The following RIPOR3 variants were observed in gnomAD, a reference collection of about 807,000 sequenced individuals.
RIPOR3 encodes the protein family with sequence similarity 65 member C.
In RIPOR3, 95 loss-of-function variants were observed where a neutral mutation model predicts 114.3. That is an observed-to-expected ratio of 0.83 (90% confidence interval 0.70 to 0.99). The LOEUF is 0.99. Among genes scored for constraint, RIPOR3 ranks in the 50% least tolerant of loss-of-function variants. The pLI, the probability that RIPOR3 is intolerant of heterozygous loss-of-function variation, is 0.00. For missense variants in RIPOR3, 1,252 were observed against 1,266.9 expected, an observed-to-expected ratio of 0.99 and a Z score of 0.18; for synonymous variants, 575 against 543.8, an observed-to-expected ratio of 1.06 and a Z score of -0.80.
chr20:50,653,357 A>G (rs2085685747), intron 1 of RIPOR3: 1 of 152,172 alleles, frequency 6.6e-6, no homozygotes, highest in South Asian at 2.1e-4. Flanking sequence ...TTCTGGGGTA[A>G]AACTGCTCTG....
At chr20:50,661,369 C>T (rs2085990801) in intron 1 of RIPOR3, among the ~76,000 whole-genome samples, 1 of 152,154 alleles carries the variant, frequency 6.6e-6, no homozygotes, top group Admixed American at 6.5e-5. Flanking sequence ...GCCACCACAC[C>T]CAGCCTAACA....
intron 1 of RIPOR3, chr20:50,636,667 A>C (rs1286291333): frequency 1.0e-6 from 1 of 985,284 alleles, no homozygotes; most frequent in Non-Finnish European, 1.2e-6. Context: ...TGCCGTTCAG[A>C]CCCGGCTGGT....
Position 50,608,518 on chromosome 20 carries a change from C to A in RIPOR3, c.827G>T (p.Gly276Val). The A allele has an allele frequency of 6.2e-7, 1 of 1,613,822 alleles. No individual in the cohort carries two copies. The highest frequency in any genetic ancestry group is 8.5e-7 in the Non-Finnish European group (1 of 1,179,912). The change falls in exon 11 of 22, where the codon GGC (glycine) becomes GTC (valine). Residue 276 changes from glycine (G) to valine (V), a missense_variant. Physicochemically the swap from Gly to Val is moderately radical, Grantham distance 109 (BLOSUM62 -3). Coordinates refer to ENST00000327979, the MANE Select transcript of RIPOR3 (RefSeq NM_001290268.2). ...TGCACCCACAGCCAGCGAGCCCAGG[C>A]CCCGCAACTCCGTCACCTGGGGGTG... ...NLDIKVTELR[G>V]LGSLAVGAVT...
chr20:50,685,960 G>A (rs1262541058), intron 1 of RIPOR3, among the ~76,000 whole-genome samples: 2 of 152,040 alleles, frequency 1.3e-5, no homozygotes, highest in Non-Finnish European at 2.9e-5. Flanking sequence ...AGAATAAAAT[G>A]TATAGAATGA....
At chr20:50,598,371 G>A (rs908618940) in intron 13 of RIPOR3, among the ~76,000 whole-genome samples, 1 of 151,838 alleles carries the variant, frequency 6.6e-6, no homozygotes, top group African/African-American at 2.4e-5. Flanking sequence ...TCCCCAACTC[G>A]TGGCTGGCTC....
chr20:50,614,490 T>C (rs1180247527), intron 4 of RIPOR3: 4 of 167,688 alleles, frequency 2.4e-5, no homozygotes. Context: ...AAGGCCTCCT[T>C]GCTTTTGTCT....
At chr20:50,592,636 C>G (rs551418595) in intron 18 of RIPOR3, 90 bp from the exon 19 acceptor site, 1 of 1,192,570 alleles carries the variant, frequency 8.4e-7, no homozygotes, top group African/African-American at 1.6e-5. Context: ...CCAGTAGCCA[C>G]AGAGGAACAA....
At chr20:50,627,188 C>A (rs973371248) in intron 2 of RIPOR3, among the ~76,000 whole-genome samples, 1 of 151,014 alleles carries the variant, frequency 6.6e-6, no homozygotes, top group East Asian at 2.0e-4. Context: ...AAAACACACA[C>A]AAAAAAATTG....
chr20:50,651,316 G>C (rs1366895503), intron 1 of RIPOR3, among the ~76,000 whole-genome samples: 2 of 152,232 alleles, frequency 1.3e-5, no homozygotes, highest in Middle Eastern at 3.2e-3. Flanking sequence ...AGATCCTCCA[G>C]ACAAGAACTC....
intron 2 of RIPOR3, among the ~76,000 whole-genome samples, chr20:50,630,364 C>T (rs1388747716): frequency 6.6e-6 from 1 of 152,160 alleles, no homozygotes; most frequent in African/African-American, 2.4e-5. Context: ...GATCCTCCTG[C>T]CTCGGCCTCC....
In RIPOR3 at chr20:50,596,273, A is replaced by G. The variant is rs2122913089; in HGVS notation, c.1791-10T>C. ...CAGGGGCCGGTCCTTTCTGAGTTGA[A>G]TTGAGAACTGGGTGACCATTCCAGT... On this transcript the variant is annotated splice_polypyrimidine_tract_variant and intron_variant, in intron 14 of 21. Transcript: ENST00000327979. The G allele has an allele frequency of 1.9e-6, 3 of 1,613,928 alleles. No individual in the cohort carries two copies. Among genetic ancestry groups the G allele is most frequent in the Middle Eastern group, 1.7e-4 (1 of 6,060 alleles).
chr20:50,642,620 A>T (rs1208163864), intron 1 of RIPOR3, among the ~76,000 whole-genome samples: 1 of 149,988 alleles, frequency 6.7e-6, no homozygotes, highest in East Asian at 2.0e-4. Flanking sequence ...GCCTTAGTCA[A>T]GAGATTCCAC....
At chr20:50,651,758 C>T (rs529349169) in intron 1 of RIPOR3, among the ~76,000 whole-genome samples, 1 of 152,320 alleles carries the variant, frequency 6.6e-6, no homozygotes, top group Non-Finnish European at 1.5e-5. Flanking sequence ...TCAAGAAACA[C>T]TGTATATGTT....
chr20:50,650,689 C>T (rs895573667), intron 1 of RIPOR3, among the ~76,000 whole-genome samples: 18 of 152,114 alleles, frequency 1.2e-4, no homozygotes, highest in African/African-American at 4.3e-4. Flanking sequence ...GTCTGTAATC[C>T]ACAAAGTTCT....
Position 50,586,177 on chromosome 20 carries a change from A to G in RIPOR3, c.*1055T>C. On this transcript the variant is annotated 3_prime_UTR_variant, in exon 22 of 22. Coordinates refer to ENST00000327979, the MANE Select transcript of RIPOR3 (RefSeq NM_001290268.2). Reference sequence around the variant, plus strand: ...GAAAATTGAACATATGAACAAGGCAAATAAATACTAAGTAAGTTAAAAACA... The same window carrying G: ...GAAAATTGAACATATGAACAAGGCAGATAAATACTAAGTAAGTTAAAAACA... 1 of 163,318 alleles carries G rather than the reference A, an allele frequency of 6.1e-6. No homozygotes were observed. The highest frequency in any genetic ancestry group is 1.3e-5 in the Non-Finnish European group (1 of 74,254). 10.1% of individuals were successfully genotyped at this position (163,318 alleles called of 1,614,324 possible). A position where few individuals can be genotyped will look rare whatever the true frequency, so the allele number is the denominator to read the frequency against.
At chr20:50,672,141 C>T (rs1427681190) in intron 1 of RIPOR3, among the ~76,000 whole-genome samples, 2 of 152,088 alleles carry the variant, frequency 1.3e-5, no homozygotes, top group African/African-American at 2.4e-5. Context: ...CAGTAAGTCC[C>T]GATGGGGCTG....
rs35946931 is a variant in RIPOR3 at position 50,679,601 on chromosome 20, C to CAAAA, written c.3+11521_3+11524dup. On this transcript the variant is annotated intron_variant, in intron 1 of 21. Transcript: ENST00000327979. ...TGAAACCCTGTCTCTACTAAAAATA[C>CAAAA]AAAAAAAAAAAAAAAAAATTAGCCG... 2.3e-3 allele frequency among the ~76,000 whole-genome samples: 272 copies of CAAAA among 120,596 alleles called. 1 individual carries two copies. Among genetic ancestry groups the CAAAA allele is most frequent in the African/African-American group, 5.7e-3 (174 of 30,300 alleles). 79.1% of individuals were successfully genotyped at this position (120,596 alleles called of 152,430 possible). A position where few individuals can be genotyped will look rare whatever the true frequency, so the allele number is the denominator to read the frequency against.
chr20:50,625,055 G>A (rs1298134358), intron 2 of RIPOR3, among the ~76,000 whole-genome samples: 1 of 151,088 alleles, frequency 6.6e-6, no homozygotes, highest in Non-Finnish European at 1.5e-5. Flanking sequence ...CTCAAATTCT[G>A]CTCTCAGTGC....
At chr20:50,647,199 A>G (rs1304469651) in intron 1 of RIPOR3, among the ~76,000 whole-genome samples, 1 of 152,110 alleles carries the variant, frequency 6.6e-6, no homozygotes, top group Non-Finnish European at 1.5e-5. Context: ...GGACGCCTGT[A>G]ATCCCAGCTA....
Sources: gnomAD v4.1 joint callset for allele counts (sites outside exome capture counted in the v4.1 genomes callset) on GRCh38, gnomAD v4.1.1 for gene constraint, MANE v1.5 for transcripts, NCBI Gene and HGNC (gene_info 2026-07-23, HGNC 2026-07-21) for gene names.